Variants in RAI1 observed in about 807,000 individuals in gnomAD.
RAI1 encodes retinoic acid induced 1.
A neutral mutation model predicts 123.8 loss-of-function variants in RAI1; 9 were observed. That is an observed-to-expected ratio of 0.07 (90% CI 0.04 to 0.13). The LOEUF is 0.13. Among genes scored for constraint, RAI1 ranks in the 10% least tolerant of loss-of-function variants. The pLI is 1.00. For missense variants in RAI1, 2,256 were observed against 2,545.8 expected, an observed-to-expected ratio of 0.89 and a Z score of 2.45; for synonymous variants, 1,231 against 1,127.3, an observed-to-expected ratio of 1.09 and a Z score of -1.84.
At chr17:17,729,605 C>T (rs7209595) in intron 2 of RAI1, among the ~76,000 whole-genome samples, 3 of 152,158 alleles carry the variant, frequency 2.0e-5, no homozygotes, top group African/African-American at 7.2e-5. Flanking sequence ...TAGCTTTTTC[C>T]GGAGAGGACT....
intron 1 of RAI1, among the ~76,000 whole-genome samples, chr17:17,700,217 C>T (rs1160581985): frequency 1.3e-5 from 2 of 152,224 alleles, no homozygotes; most frequent in African/African-American, 4.8e-5. Flanking sequence ...CCTCCTCCCT[C>T]GTCCTTCAAA....
At chr17:17,686,984 G>A (rs1205317768) in intron 1 of RAI1, among the ~76,000 whole-genome samples, 1 of 152,012 alleles carries the variant, frequency 6.6e-6, no homozygotes, top group African/African-American at 2.4e-5. Flanking sequence ...ATGAGCATCC[G>A]GTTTCTTTCT....
At chr17:17,711,565 T>A (rs1365401348) in intron 1 of RAI1, among the ~76,000 whole-genome samples, 1 of 152,164 alleles carries the variant, frequency 6.6e-6, no homozygotes, top group Non-Finnish European at 1.5e-5. Context: ...GATGGACACC[T>A]CCTGTGTATG....
At chr17:17,738,795 T>A (rs1054944029) in intron 2 of RAI1, among the ~76,000 whole-genome samples, 1 of 152,108 alleles carries the variant, frequency 6.6e-6, no homozygotes, top group African/African-American at 2.4e-5. Context: ...GTGTCAGTCT[T>A]CTCCATCTGG....
Position 17,810,489 on chromosome 17 carries a change from G to A in RAI1, c.*508G>A, listed in dbSNP as rs1257541477. On this transcript the variant is annotated 3_prime_UTR_variant, in exon 6 of 6. Transcript: ENST00000353383. The surrounding 1 kb of genome is among the most constrained non-coding windows in gnomAD (Gnocchi z 4.6). ...GCGGAGGGCGGCTCCTAGCTCCGTG[G>A]ACTAGGCGGGGGAGAAAGGAAGCCT... 3.8e-6 allele frequency: 1 copy of A among 261,952 alleles called. No individual in the cohort carries two copies. Among genetic ancestry groups the A allele is most frequent in the African/African-American group, 2.3e-5 (1 of 42,946 alleles). The allele number at this position is 261,952 out of a possible 1,614,324, so 16.2% of individuals were successfully genotyped here.
At chr17:17,771,981 G>A (rs984150055) in intron 2 of RAI1, among the ~76,000 whole-genome samples, 5 of 152,236 alleles carry the variant, frequency 3.3e-5, no homozygotes, top group Admixed American at 6.5e-5. Flanking sequence ...GATGGAGGGT[G>A]GTGCATGGCT....
chr17:17,682,703 C>T (rs912852876), intron 1 of RAI1: 1 of 152,356 alleles, frequency 6.6e-6, no homozygotes, highest in African/African-American at 2.4e-5. Context: ...CCAGCCAGGC[C>T]CTAGGCCGTC....
At chr17:17,688,315 C>T (rs1914709803) in intron 1 of RAI1, among the ~76,000 whole-genome samples, 1 of 151,988 alleles carries the variant, frequency 6.6e-6, no homozygotes, top group African/African-American at 2.4e-5. Flanking sequence ...TGAAACCCAT[C>T]TCTACTAAAA....
At chr17:17,711,087 G>A (rs573571943) in intron 1 of RAI1, among the ~76,000 whole-genome samples, 5 of 152,348 alleles carry the variant, frequency 3.3e-5, no homozygotes, top group Non-Finnish European at 1.5e-5. Context: ...TGGGAAGGCA[G>A]GGCCGCAGTA....
At chr17:17,688,049 G>GAAAAAAA (rs1914701960) in intron 1 of RAI1, among the ~76,000 whole-genome samples, 2 of 89,928 alleles carry the variant, frequency 2.2e-5, no homozygotes, top group Admixed American at 9.4e-5. Context: ...AAAAAAAAGT[G>GAAAAAAA]AGTGTTGCTG....
intron 2 of RAI1, among the ~76,000 whole-genome samples, chr17:17,790,449 C>T (rs1210048386): frequency 1.3e-5 from 2 of 152,150 alleles, no homozygotes; most frequent in Non-Finnish European, 2.9e-5. Context: ...ATTGGGAAAC[C>T]TGCCTGTAAT....
chr17:17,750,408 T>TTATTC (rs1416308679), intron 2 of RAI1, among the ~76,000 whole-genome samples: 1 of 152,152 alleles, frequency 6.6e-6, no homozygotes, highest in Non-Finnish European at 1.5e-5. Context: ...AAATGACATG[T>TTATTC]TAAGGGGAAA....
intron 2 of RAI1, among the ~76,000 whole-genome samples, chr17:17,755,086 G>A (rs1484682242): frequency 6.6e-6 from 1 of 152,206 alleles, no homozygotes; most frequent in Non-Finnish European, 1.5e-5. Flanking sequence ...TTTGCCTGAC[G>A]TTTGGACTGT....
intron 1 of RAI1, among the ~76,000 whole-genome samples, chr17:17,697,420 G>C (rs1915075867): frequency 6.6e-6 from 1 of 152,214 alleles, no homozygotes; most frequent in African/African-American, 2.4e-5. Context: ...AAAGATTAGG[G>C]AAAAGATTAG....
intron 1 of RAI1, among the ~76,000 whole-genome samples, chr17:17,703,682 C>G (rs555717064): frequency 6.6e-6 from 1 of 151,998 alleles, no homozygotes; most frequent in Non-Finnish European, 1.5e-5. Flanking sequence ...CTCTGTTTGC[C>G]GAGGCTGGAG....
rs909829162 is a variant in RAI1 at position 17,685,834 on chromosome 17, G to A, written c.-149+4041G>A. Among the ~76,000 whole-genome samples the A allele has an allele frequency of 2.0e-5, 3 of 152,202 alleles. No individual in the cohort carries two copies. The highest frequency in any genetic ancestry group is 2.9e-5 in the Non-Finnish European group (2 of 68,040). Reference sequence around the variant, plus strand: ...TTCAGTCCTGTCCCCTCCAGCCACAGCTGGCACCTCCTTGTTAAGGTGCAG... The same window carrying A: ...TTCAGTCCTGTCCCCTCCAGCCACAACTGGCACCTCCTTGTTAAGGTGCAG... On this transcript the variant is annotated intron_variant, in intron 1 of 5. Coordinates refer to ENST00000353383, the MANE Select transcript of RAI1 (RefSeq NM_030665.4). This position sits in a 1 kb window ranked among gnomAD's most constrained non-coding sequence, Gnocchi z 4.0.
chr17:17,810,054 T>A lies in RAI1; in HGVS notation c.*73T>A. 1.3e-6 allele frequency: 2 copies of A among 1,535,540 alleles called. No individual in the cohort carries two copies. The highest frequency in any genetic ancestry group is 1.8e-6 in the Non-Finnish European group (2 of 1,140,698). ...CCGCCGCCGAAGGAGAGGAGCCGCC[T>A]GCGCAGCCCCCGGGCCTTTGAGCTG... On this transcript the variant is annotated 3_prime_UTR_variant, in exon 6 of 6. Coordinates refer to ENST00000353383, the MANE Select transcript of RAI1 (RefSeq NM_030665.4). This position sits in a 1 kb window ranked among gnomAD's most constrained non-coding sequence, Gnocchi z 4.6.
intron 2 of RAI1, chr17:17,779,557 A>C (rs2031484974): frequency 6.5e-6 from 1 of 154,126 alleles, no homozygotes; most frequent in East Asian, 1.9e-4. Context: ...AGCTACACAC[A>C]GTTGAAGAGT....
intron 1 of RAI1, among the ~76,000 whole-genome samples, chr17:17,722,968 C>G (rs1019099719): frequency 2.0e-5 from 3 of 152,140 alleles, no homozygotes; most frequent in Admixed American, 6.5e-5. Flanking sequence ...CCCCCACCCG[C>G]CAGGCCTCAG....
Sources: allele counts gnomAD v4.1 joint callset (sites outside exome capture counted in the v4.1 genomes callset), GRCh38; gene constraint gnomAD v4.1.1; non-coding constraint Gnocchi (gnomAD v3.1); transcripts MANE v1.5; gene names NCBI Gene and HGNC (gene_info 2026-07-23, HGNC 2026-07-21).